Variants in MAPK8IP3 observed in about 807,000 individuals in gnomAD.
The protein encoded by MAPK8IP3 is C-Jun-amino-terminal kinase-interacting protein 3.
In MAPK8IP3, 49 loss-of-function variants were observed where a neutral mutation model predicts 157.8. That is an observed-to-expected ratio of 0.31 (90% CI 0.25 to 0.39). The LOEUF (loss-of-function observed/expected upper bound fraction) is 0.39, where lower values mean the gene tolerates loss of function less well. MAPK8IP3 is among the 10% of genes least tolerant of loss of function. The pLI is 1.00. For synonymous variants in MAPK8IP3, 897 were observed against 777.7 expected, an observed-to-expected ratio of 1.15 and a Z score of -2.55; for missense variants, 1,478 against 1,889.4, an observed-to-expected ratio of 0.78 and a Z score of 4.04.
chr16:1,766,983 C>T lies in MAPK8IP3; in HGVS notation c.3088+12C>T. On this transcript the variant is annotated intron_variant, in intron 25 of 31. Transcript: ENST00000610761. ...CCACCGTGGTGAAGGTGGGGCCTGGCAGCACGGGGTGTGTGGGTGGCAGCT... is the reference window on the plus strand; with the variant it reads ...CCACCGTGGTGAAGGTGGGGCCTGGTAGCACGGGGTGTGTGGGTGGCAGCT... The T allele has an allele frequency of 1.3e-6, 2 of 1,579,196 alleles. No homozygotes were observed. The highest frequency in any genetic ancestry group is 1.7e-6 in the Non-Finnish European group (2 of 1,160,338).
At position 1,737,036 on chromosome 16, in the gene MAPK8IP3, G is replaced by C. The variant is rs537341259; in HGVS notation, c.603-6296G>C. ...TGTGAGAGTGTGACCATCCATGTGA[G>C]CATCCGTGTGACCGTCCGTGTGAGC... On this transcript the variant is annotated intron_variant, in intron 4 of 31. Coordinates refer to ENST00000610761, the MANE Select transcript of MAPK8IP3 (RefSeq NM_001318852.2). 4.8e-5 allele frequency among the ~76,000 whole-genome samples: 4 copies of C among 83,264 alleles called. No homozygotes were observed. The South Asian group carries it at 2.2e-3, about 46-fold the overall frequency. The allele number at this position is 83,264 out of a possible 152,430, so 54.6% of individuals were successfully genotyped here. A position where few individuals can be genotyped will look rare whatever the true frequency, so the allele number is the denominator to read the frequency against.
chr16:1,767,040 C>A, intron 25 of MAPK8IP3, 69 bp downstream of exon 25: 1 of 1,568,780 alleles, frequency 6.4e-7, no homozygotes, highest in African/African-American at 1.3e-5. Context: ...CCAAGGGGCT[C>A]CCGGGGTTCC....
Position 1,766,251 on chromosome 16 carries a change from C to T in MAPK8IP3, c.2661C>T (p.Val887=). 1 of 1,611,550 alleles carries T rather than the reference C, an allele frequency of 6.2e-7. No homozygotes were observed. Among genetic ancestry groups the T allele is most frequent in the South Asian group, 1.1e-5 (1 of 91,070 alleles). ...TGGCCACCATCGCCAACGGGAAGGT[C>T]AACCCGTCCCAGTCCACAGAGGAGG... is the stretch of plus-strand genomic sequence containing the variant. ...GEVATIANGK[V]NPSQSTEEAT... is the part of the protein sequence containing the mutation. The change falls in exon 22 of 32, where the codon GTC becomes GTT. Residue 887 remains valine (V), a synonymous_variant. Coordinates refer to ENST00000610761, the MANE Select transcript of MAPK8IP3 (RefSeq NM_001318852.2).
rs369503080 is a variant in MAPK8IP3 at position 1,741,478 on chromosome 16, G to T, written c.603-1854G>T. Among the ~76,000 whole-genome samples the T allele has an allele frequency of 8.5e-5, 13 of 152,128 alleles. No homozygotes were observed. The highest frequency in any genetic ancestry group is 2.9e-4 in the African/African-American group (12 of 41,426). Reference sequence around the variant, plus strand: ...CCCTTGGCCTCCTGGGAGACCAGAGGCCCCTCTGACCCTGCTGTCCCCTGT... The same window carrying T: ...CCCTTGGCCTCCTGGGAGACCAGAGTCCCCTCTGACCCTGCTGTCCCCTGT... On this transcript the variant is annotated intron_variant, in intron 4 of 31. Transcript: ENST00000610761. This position sits in a 1 kb window ranked among gnomAD's most constrained non-coding sequence, Gnocchi z 6.9.
chr16:1,750,482 G>A (rs2041227212), intron 8 of MAPK8IP3, among the ~76,000 whole-genome samples: 1 of 151,950 alleles, frequency 6.6e-6, no homozygotes, highest in Admixed American at 6.6e-5. Flanking sequence ...CAAAGTACTG[G>A]GATTACAAGT....
chr16:1,759,912 C>T (rs767059226), intron 10 of MAPK8IP3, 46 bp from the exon 11 acceptor site: 5 of 1,564,118 alleles, frequency 3.2e-6, no homozygotes, highest in Middle Eastern at 3.4e-4. Context: ...GCATCAGTGA[C>T]CTGTTTTGAA....
intron 1 of MAPK8IP3, among the ~76,000 whole-genome samples, chr16:1,716,830 A>G (rs1309102536): frequency 2.0e-5 from 3 of 152,082 alleles, no homozygotes; most frequent in African/African-American, 7.2e-5. Flanking sequence ...AGGCTGAGGC[A>G]GGCGGATCAC....
intron 1 of MAPK8IP3, among the ~76,000 whole-genome samples, chr16:1,722,017 G>T (rs943591745): frequency 2.0e-5 from 3 of 151,988 alleles, no homozygotes; most frequent in Non-Finnish European, 4.4e-5. Context: ...CATCCCCCCC[G>T]CCTCGGCCTC....
intron 19 of MAPK8IP3, 104 bp downstream of exon 19, chr16:1,764,563 C>T (rs148135982): frequency 3.4e-6 from 5 of 1,457,692 alleles, no homozygotes; most frequent in Admixed American, 4.4e-5. Context: ...GGGGACAGCA[C>T]CCGGAAGCAG....
intron 8 of MAPK8IP3, 89 bp from the exon 9 acceptor site, chr16:1,758,059 T>C: frequency 1.5e-6 from 2 of 1,350,908 alleles, no homozygotes; most frequent in Non-Finnish European, 2.1e-6. Flanking sequence ...CTGGGTTTTC[T>C]GTAATAAGAA....
In MAPK8IP3 at chr16:1,717,160, C is replaced by G. The variant is rs558423436; in HGVS notation, c.319-7397C>G. ...CTGAGGCAAGAGAATCACTTGAACC[C>G]AGGAGGCGGAGGTTGCAGTGAGCCA... On this transcript the variant is annotated intron_variant, in intron 1 of 31. Coordinates refer to ENST00000610761, the MANE Select transcript of MAPK8IP3 (RefSeq NM_001318852.2). 1.3e-4 allele frequency among the ~76,000 whole-genome samples: 20 copies of G among 148,896 alleles called. No individual in the cohort carries two copies. In the South Asian group the frequency reaches 4.2e-3, roughly 31 times the overall value.
intron 4 of MAPK8IP3, among the ~76,000 whole-genome samples, chr16:1,735,331 AGTGAGCGTCCAT>A (rs1567161449): frequency 1.3e-5 from 2 of 148,578 alleles, no homozygotes; most frequent in African/African-American, 5.0e-5. Context: ...TGTCCATGTG[AGTGAGCGTCCAT>A]GTGAGCGTGT....
intron 4 of MAPK8IP3, among the ~76,000 whole-genome samples, chr16:1,739,294 C>A (rs117326823): frequency 1.2e-5 from 1 of 83,194 alleles, no homozygotes; most frequent in African/African-American, 5.1e-5. Flanking sequence ...CCATGTGAGC[C>A]TGTGACCGTC....
At position 1,770,083 on chromosome 16, in the gene MAPK8IP3, C is replaced by G. The variant is rs1343637247; in HGVS notation, c.*1259C>G. ...GCACAGATCTTGGGGAGCTGCCCCA[C>G]AAGCCCCGCTGGCCACCGAGGGCTG... On this transcript the variant is annotated 3_prime_UTR_variant, in exon 32 of 32. Transcript: ENST00000610761. The G allele has an allele frequency of 6.6e-6, 1 of 152,544 alleles. No individual in the cohort carries two copies. Among genetic ancestry groups the G allele is most frequent in the East Asian group, 1.9e-4 (1 of 5,170 alleles). 9.4% of individuals were successfully genotyped at this position (152,544 alleles called of 1,614,324 possible).
Position 1,767,306 on chromosome 16 carries a change from C to T in MAPK8IP3, c.3237+9C>T, listed in dbSNP as rs139818471. On this transcript the variant is annotated intron_variant, in intron 26 of 31. Coordinates refer to ENST00000610761, the MANE Select transcript of MAPK8IP3 (RefSeq NM_001318852.2). The stretch of plus-strand genomic sequence containing the variant: ...AGACCATGCAGATAGAGGCGAGTGC[C>T]GGCCAGGGCCCCGGGGAGGGGAAGA... The T allele has an allele frequency of 1.7e-5, 28 of 1,612,588 alleles. 1 individual carries two copies. In the Admixed American group the frequency reaches 3.2e-4, roughly 18 times the overall value.
chr16:1,735,938 G>A (rs1457605952), intron 4 of MAPK8IP3, among the ~76,000 whole-genome samples: 28 of 138,514 alleles, frequency 2.0e-4, no homozygotes, highest in African/African-American at 7.5e-4. Flanking sequence ...CCGTGTGACC[G>A]TCTGTGTGAG....
chr16:1,743,780 TG>T lies in MAPK8IP3; in HGVS notation c.747+305del. The T allele has an allele frequency of 7.8e-7, 1 of 1,278,404 alleles. No individual in the cohort carries two copies. The highest frequency in any genetic ancestry group is 4.0e-5 in the East Asian group (1 of 25,234). The allele number at this position is 1,278,404 out of a possible 1,614,324, so 79.2% of individuals were successfully genotyped here. A position where few individuals can be genotyped will look rare whatever the true frequency, so the allele number is the denominator to read the frequency against. On this transcript the variant is annotated intron_variant, in intron 5 of 31. Transcript: ENST00000610761. This position sits in a 1 kb window ranked among gnomAD's most constrained non-coding sequence, Gnocchi z 5.6. Reference sequence around the variant, plus strand: ...AGGGGTGTACAGTGCCTGTCAGGGTTGAGCTTAGTGATCCTCTCTCAAACCA... The same window carrying T: ...AGGGGTGTACAGTGCCTGTCAGGGTTAGCTTAGTGATCCTCTCTCAAACCA...
At position 1,740,530 on chromosome 16, in the gene MAPK8IP3, C is replaced by T. The variant is rs544328092; in HGVS notation, c.603-2802C>T. 2.6e-5 allele frequency among the ~76,000 whole-genome samples: 4 copies of T among 152,364 alleles called. No homozygotes were observed. The East Asian group carries it at 7.7e-4, about 29-fold the overall frequency. ...GTGTGCGCACGCTGTGGCCCACGCC[C>T]TCTAACACCTGTCTCCTTGTCTCGC... On this transcript the variant is annotated intron_variant, in intron 4 of 31. Coordinates refer to ENST00000610761, the MANE Select transcript of MAPK8IP3 (RefSeq NM_001318852.2).
In MAPK8IP3 at chr16:1,765,043, T is replaced by C. The variant is rs757932358; in HGVS notation, c.2311T>C (p.Ser771Pro). 3 of 1,610,762 alleles carry C rather than the reference T, an allele frequency of 1.9e-6. No individual in the cohort carries two copies. Among genetic ancestry groups the C allele is most frequent in the Non-Finnish European group, 2.5e-6 (3 of 1,178,324 alleles). Residue 771 changes from serine to proline, a missense_variant, in exon 20 of 32, where the codon TCC becomes CCC. Around this residue, in one of 11 missense-constraint regions of MAPK8IP3, gnomAD observed 669 missense variants for 759.8 expected, o/e 0.88. Coordinates refer to ENST00000610761, the MANE Select transcript of MAPK8IP3 (RefSeq NM_001318852.2). ...AKELPEMDAT[S>P]SRVWILTSTL... ...GGAGCTCCCTGAAATGGACGCCACC[T>C]CCAGCCGGGTGTGGATCCTGACCAG...
Sources: gnomAD v4.1 joint callset for allele counts (sites outside exome capture counted in the v4.1 genomes callset) on GRCh38, gnomAD v4.1.1 for gene constraint, gnomAD v4.1.1 regional missense constraint, Gnocchi (gnomAD v3.1) non-coding constraint, MANE v1.5 for transcripts, NCBI Gene and HGNC (gene_info 2026-07-23, HGNC 2026-07-21) for gene names.